The following CNTNAP2 variants were observed in gnomAD, a reference collection of about 807,000 sequenced individuals.
CNTNAP2 encodes contactin associated protein 2.
In CNTNAP2, 98 loss-of-function variants were observed where a neutral mutation model predicts 155.2. The observed-to-expected ratio is 0.63, with a 90% CI of 0.54 to 0.75. CNTNAP2 has a LOEUF of 0.75. Among genes scored for constraint, CNTNAP2 ranks in the 30% least tolerant of loss-of-function variants. CNTNAP2 has a pLI of 0.00. For missense variants in CNTNAP2, 1,727 were observed against 1,688.1 expected (o/e 1.02, Z -0.40); for synonymous variants, 651 against 631.2 (o/e 1.03, Z -0.47).
intron 9 of CNTNAP2, among the ~76,000 whole-genome samples, chr7:147,350,209 A>G (rs1291019494): frequency 1.3e-5 from 2 of 151,960 alleles, no homozygotes; most frequent in African/African-American, 4.8e-5. Flanking sequence ...AGACTTGAAT[A>G]AAACAAATGC....
At chr7:146,405,890 CCTT>C (rs1315103345) in intron 1 of CNTNAP2, among the ~76,000 whole-genome samples, 4 of 152,142 alleles carry the variant, frequency 2.6e-5, no homozygotes, top group Non-Finnish European at 5.9e-5. Context: ...CCTCAAATAA[CCTT>C]CTTTTGTCAC....
chr7:148,305,319 T>C (rs1444682755), intron 21 of CNTNAP2, among the ~76,000 whole-genome samples: 1 of 152,074 alleles, frequency 6.6e-6, no homozygotes, highest in African/African-American at 2.4e-5. Context: ...TTGCTTAATT[T>C]TTTGTGAACT....
At chr7:148,065,721 G>A (rs976087687) in intron 15 of CNTNAP2, among the ~76,000 whole-genome samples, 1 of 152,142 alleles carries the variant, frequency 6.6e-6, no homozygotes, top group African/African-American at 2.4e-5. Flanking sequence ...ATACTTGGTT[G>A]AATTCTTATC....
intron 1 of CNTNAP2, among the ~76,000 whole-genome samples, chr7:146,422,517 T>C (rs10248009): frequency 0.034 from 5,172 of 152,128 alleles, 277 homozygotes; most frequent in African/African-American, 0.12. Context: ...CTTGACATTT[T>C]TCATCTCTAT....
chr7:147,729,968 G>T (rs1227136717), intron 13 of CNTNAP2, among the ~76,000 whole-genome samples: 1 of 152,012 alleles, frequency 6.6e-6, no homozygotes, highest in African/African-American at 2.4e-5. Context: ...AGTAGTCAAT[G>T]AATTAAAAAA....
chr7:148,046,891 T>C (rs1314884962), intron 15 of CNTNAP2, among the ~76,000 whole-genome samples: 1 of 152,176 alleles, frequency 6.6e-6, no homozygotes, highest in Non-Finnish European at 1.5e-5. Context: ...TGAAAGAGTA[T>C]ATAGTATTTT....
chr7:147,566,369 G>A (rs1381628243), intron 12 of CNTNAP2, among the ~76,000 whole-genome samples: 2 of 116,768 alleles, frequency 1.7e-5, no homozygotes, highest in African/African-American at 6.4e-5. Flanking sequence ...AGGGGGAAGG[G>A]GAGAAGGGGG....
intron 8 of CNTNAP2, among the ~76,000 whole-genome samples, chr7:147,236,462 A>C (rs1803807199): frequency 6.7e-6 from 1 of 149,964 alleles, no homozygotes; most frequent in South Asian, 2.1e-4. Context: ...TAAACATTTC[A>C]TGTACTTAAT....
intron 21 of CNTNAP2, among the ~76,000 whole-genome samples, chr7:148,326,677 C>A (rs376932473): frequency 5.9e-5 from 9 of 151,656 alleles, no homozygotes; most frequent in Non-Finnish European, 8.8e-5. Context: ...CCATCTTGGC[C>A]AACACGGTGA....
intron 3 of CNTNAP2, among the ~76,000 whole-genome samples, chr7:146,911,212 T>G (rs1796268104): frequency 6.6e-6 from 1 of 152,092 alleles, no homozygotes; most frequent in Non-Finnish European, 1.5e-5. Context: ...TTGGTGGGAC[T>G]GTAAACTAGT....
intron 21 of CNTNAP2, among the ~76,000 whole-genome samples, chr7:148,292,409 A>G (rs1390158447): frequency 1.3e-5 from 2 of 152,244 alleles, no homozygotes; most frequent in Non-Finnish European, 2.9e-5. Flanking sequence ...GAAATCCCAA[A>G]GAGGTTAAAG....
chr7:146,144,989 A>G (rs1472291729), intron 1 of CNTNAP2, among the ~76,000 whole-genome samples: 1 of 152,182 alleles, frequency 6.6e-6, no homozygotes, highest in Admixed American at 6.5e-5. Flanking sequence ...TCATGGTGGG[A>G]GAGATGTAAC....
At chr7:148,329,512 G>A (rs1390877189) in intron 21 of CNTNAP2, among the ~76,000 whole-genome samples, 1 of 152,180 alleles carries the variant, frequency 6.6e-6, no homozygotes, top group African/African-American at 2.4e-5. Context: ...TGTGCGGGCT[G>A]TGGGTCACAG....
rs185255522 is a variant in CNTNAP2 at position 148,026,542 on chromosome 7, T to C, written c.2383+48553T>C. On this transcript the variant is annotated intron_variant, in intron 15 of 23. Coordinates refer to ENST00000361727, the MANE Select transcript of CNTNAP2 (RefSeq NM_014141.6). ...AATAAAGTGAGACACAACCTGAGTA[T>C]TATAATGAGCACTGAATTTGTAGTA... 2.0e-5 allele frequency among the ~76,000 whole-genome samples: 3 copies of C among 152,284 alleles called. No homozygotes were observed. The East Asian group carries it at 5.8e-4, about 29-fold the overall frequency.
intron 17 of CNTNAP2, among the ~76,000 whole-genome samples, chr7:148,154,891 T>C (rs58270013): frequency 0.015 from 2,304 of 151,650 alleles, 60 homozygotes; most frequent in African/African-American, 0.052. Flanking sequence ...GAGCCAAGAT[T>C]GTGCCACTAC....
intron 14 of CNTNAP2, among the ~76,000 whole-genome samples, chr7:147,977,467 T>C (rs10243164): frequency 0.11 from 16,316 of 152,218 alleles, 1,185 homozygotes; most frequent in African/African-American, 0.21. Flanking sequence ...CTGCTTCAAA[T>C]AGGGTTTTGT....
intron 14 of CNTNAP2, among the ~76,000 whole-genome samples, chr7:147,905,914 C>CAAAA (rs796945366): frequency 2.1e-5 from 3 of 146,272 alleles, no homozygotes; most frequent in Admixed American, 6.9e-5. Flanking sequence ...AACAAACAAA[C>CAAAA]AAAAAAAAAC....
chr7:148,289,756 A>G (rs779789299), intron 21 of CNTNAP2, among the ~76,000 whole-genome samples: 52 of 152,316 alleles, frequency 3.4e-4, no homozygotes, highest in Non-Finnish European at 6.8e-4. Flanking sequence ...TTCCCAGCTC[A>G]GTCCCTCACC....
intron 4 of CNTNAP2, among the ~76,000 whole-genome samples, chr7:147,066,393 C>T (rs1024982434): frequency 3.3e-5 from 5 of 152,176 alleles, no homozygotes; most frequent in African/African-American, 1.2e-4. Flanking sequence ...CTTCTCCACG[C>T]TCATGGTTGG....
Sources: allele counts gnomAD v4.1 joint callset (sites outside exome capture counted in the v4.1 genomes callset), GRCh38; gene constraint gnomAD v4.1.1; transcripts MANE v1.5; gene names NCBI Gene and HGNC (gene_info 2026-07-23, HGNC 2026-07-21).